The following STK3 variants were observed in gnomAD, a reference collection of about 807,000 sequenced individuals.
STK3 encodes the protein serine/threonine kinase 3.
STK3 carries 41 observed loss-of-function variants against 58.0 expected under a neutral mutation model. That is an observed-to-expected ratio of 0.71 (90% CI 0.55 to 0.92). The LOEUF is 0.92. Ranked by LOEUF, STK3 falls within the 40% of genes least tolerant of loss-of-function variation. The pLI is 0.00. For missense variants in STK3, 479 were observed against 602.7 expected (o/e 0.79, Z 2.15); for synonymous variants, 170 against 191.0 (o/e 0.89, Z 0.91).
At chr8:98,452,815 C>G (rs1469133043), downstream of STK3, among the ~76,000 whole-genome samples, 4 of 144,862 alleles carry the variant, frequency 2.8e-5, no homozygotes, top group African/African-American at 1.0e-4. Context: ...GGCTGGGGTG[C>G]AGTGGTGTGA....
chr8:98,415,113 C>T (rs1818099420), intron 3 of STK3, among the ~76,000 whole-genome samples: 1 of 152,152 alleles, frequency 6.6e-6, no homozygotes, highest in South Asian at 2.1e-4. Flanking sequence ...TCACTCTCTT[C>T]CACCCTCTCA....
chr8:98,444,614 A>T (rs1419641930), intron 1 of STK3, among the ~76,000 whole-genome samples: 4 of 152,164 alleles, frequency 2.6e-5, no homozygotes, highest in Non-Finnish European at 4.4e-5. Flanking sequence ...TGAAGATTTA[A>T]GGGGGACTCC....
intron 1 of STK3, among the ~76,000 whole-genome samples, chr8:98,806,956 C>T (rs181171225): frequency 1.3e-4 from 20 of 152,096 alleles, no homozygotes; most frequent in African/African-American, 4.6e-4. Context: ...AGATCGAAAC[C>T]ATCCTGGCTA....
At chr8:98,492,728 C>G (rs781598220) in intron 10 of STK3, among the ~76,000 whole-genome samples, 2 of 152,030 alleles carry the variant, frequency 1.3e-5, no homozygotes, top group African/African-American at 2.4e-5. Flanking sequence ...GAGTAATTAT[C>G]AGGTGTCACC....
chr8:98,519,560 C>T (rs1397015520), intron 10 of STK3, among the ~76,000 whole-genome samples: 1 of 152,098 alleles, frequency 6.6e-6, no homozygotes, highest in Non-Finnish European at 1.5e-5. Flanking sequence ...CTTTCTCTGC[C>T]AACCCTTTAC....
chr8:98,875,324 A>G (rs140931808), intron 3 of STK3: 1 of 152,234 alleles, frequency 6.6e-6, no homozygotes, highest in Non-Finnish European at 1.5e-5. Context: ...CAAACTGGAA[A>G]GAACATTCTT....
intron 1 of STK3, among the ~76,000 whole-genome samples, chr8:98,793,036 G>A (rs1265377174): frequency 6.6e-6 from 1 of 152,060 alleles, no homozygotes; most frequent in East Asian, 1.9e-4. Context: ...GCAACCTAGA[G>A]GAGATTGGAG....
intron 3 of STK3, among the ~76,000 whole-genome samples, chr8:98,405,295 C>A (rs1817983409): frequency 6.6e-6 from 1 of 152,094 alleles, no homozygotes; most frequent in Non-Finnish European, 1.5e-5. Flanking sequence ...AGAGGGGTGA[C>A]AATTTTGGAT....
intron 10 of STK3, among the ~76,000 whole-genome samples, chr8:98,507,744 C>T (rs976676709): frequency 1.3e-5 from 2 of 152,136 alleles, no homozygotes; most frequent in Non-Finnish European, 2.9e-5. Flanking sequence ...TAGTGTTCCC[C>T]CAACACACCA....
chr8:98,654,035 G>C (rs1437751388), intron 6 of STK3, among the ~76,000 whole-genome samples: 3 of 152,132 alleles, frequency 2.0e-5, no homozygotes, highest in Non-Finnish European at 4.4e-5. Context: ...AACCAAAAAA[G>C]AGAATTTTAG....
intron 2 of STK3, among the ~76,000 whole-genome samples, chr8:98,769,862 C>G (rs921358841): frequency 2.6e-5 from 4 of 152,286 alleles, no homozygotes; most frequent in African/African-American, 9.6e-5. Context: ...CAGCTCAAGA[C>G]TGAGAGAACC....
At chr8:98,387,205 G>C (rs1009956797) in intron 1 of STK3, among the ~76,000 whole-genome samples, 5 of 151,864 alleles carry the variant, frequency 3.3e-5, no homozygotes. Context: ...AATACAAAGC[G>C]GTTTTTTCAG....
At chr8:98,661,542 G>A (rs2130788705) in intron 6 of STK3, among the ~76,000 whole-genome samples, 1 of 152,058 alleles carries the variant, frequency 6.6e-6, no homozygotes, top group African/African-American at 2.4e-5. Flanking sequence ...CTATACTGAT[G>A]CCATTAGTGA....
intron 8 of STK3, among the ~76,000 whole-genome samples, chr8:98,574,308 T>C (rs72666652): frequency 0.03 from 4,524 of 152,246 alleles, 97 homozygotes; most frequent in South Asian, 0.061. Context: ...CTTGTCGATT[T>C]TGTAAATCTC....
intron 3 of STK3, among the ~76,000 whole-genome samples, chr8:98,840,291 G>C (rs1001577625): frequency 6.7e-6 from 1 of 148,324 alleles, no homozygotes; most frequent in Non-Finnish European, 1.5e-5. Context: ...AGTTTGCAGT[G>C]AGCCAAGAAC....
upstream of STK3, among the ~76,000 whole-genome samples, chr8:98,392,214 T>C (rs941307769): frequency 6.6e-6 from 1 of 152,248 alleles, no homozygotes; most frequent in African/African-American, 2.4e-5. Flanking sequence ...ATTTTCATCC[T>C]ATTAATCTTT....
chr8:98,632,136 T>C (rs1175644278), intron 6 of STK3, among the ~76,000 whole-genome samples: 1 of 152,226 alleles, frequency 6.6e-6, no homozygotes, highest in Non-Finnish European at 1.5e-5. Context: ...ACACTTGTAC[T>C]GCTCAAAAAT....
Position 98,428,413 on chromosome 8 carries a change from C to T in STK3, n.483+5714G>A, listed in dbSNP as rs780101812. The stretch of plus-strand genomic sequence containing the variant: ...GAGCAGAGTGACCAGGAGAGCACCA[C>T]GTCTTCCTTCGATGAGATCCTTGCC... On this transcript the variant is annotated intron_variant and non_coding_transcript_variant, in intron 3 of 3. Transcript: ENST00000517832. The surrounding 1 kb of genome is among the most constrained non-coding windows in gnomAD (Gnocchi z 6.7). 1.2e-6 allele frequency: 2 copies of T among 1,614,176 alleles called. No individual in the cohort carries two copies. The highest frequency in any genetic ancestry group is 2.2e-5 in the East Asian group (1 of 44,862).
intron 6 of STK3, among the ~76,000 whole-genome samples, chr8:98,653,216 C>T (rs1411696122): frequency 6.6e-6 from 1 of 152,162 alleles, no homozygotes; most frequent in Non-Finnish European, 1.5e-5. Flanking sequence ...ACTGAACAAC[C>T]TGCTCCTGAA....
Sources: allele counts gnomAD v4.1 joint callset (sites outside exome capture counted in the v4.1 genomes callset), GRCh38; gene constraint gnomAD v4.1.1; non-coding constraint Gnocchi (gnomAD v3.1); transcripts MANE v1.5; gene names NCBI Gene and HGNC (gene_info 2026-07-23, HGNC 2026-07-21).